The following SERGEF variants were observed in gnomAD, a reference collection of about 807,000 sequenced individuals.
The protein encoded by SERGEF is secretion regulating guanine nucleotide exchange factor.
In SERGEF, 51 loss-of-function variants were observed where a neutral mutation model predicts 50.0. The observed-to-expected ratio is 1.02, with a 90% CI of 0.81 to 1.29. The LOEUF is 1.29. Among genes scored for constraint, SERGEF ranks in the 50% most tolerant of loss-of-function variants. The pLI, the probability that SERGEF is intolerant of heterozygous loss-of-function variation, is 0.00. For missense variants in SERGEF, 521 were observed against 557.0 expected, an observed-to-expected ratio of 0.94 and a Z score of 0.65; for synonymous variants, 205 against 212.4, an observed-to-expected ratio of 0.97 and a Z score of 0.30.
chr11:17,959,310 T>G, intron 9 of SERGEF, 160 bp downstream of exon 9: 1 of 624,654 alleles, frequency 1.6e-6, no homozygotes, highest in Non-Finnish European at 2.7e-6. Context: ...GTGACTGACT[T>G]TTGACCACAT....
intron 9 of SERGEF, among the ~76,000 whole-genome samples, chr11:17,931,353 C>A (rs914273280): frequency 6.6e-6 from 1 of 152,116 alleles, no homozygotes; most frequent in Non-Finnish European, 1.5e-5. Flanking sequence ...ACATGTAATG[C>A]CACACACAGT....
rs1174880141 is a variant in SERGEF, at chr11:17,963,364, TAAA to T, written c.845-3731_845-3729del. On this transcript the variant is annotated intron_variant, in intron 8 of 10. Transcript: ENST00000265965. ...CCTAAACTTGGTTGCTTACTATTAG[TAAA>T]AAAAAAAAAAAAAAAAAAAAAAAAA... Among the ~76,000 whole-genome samples, 494 of 49,838 alleles carry T rather than the reference TAAA, an allele frequency of 9.9e-3. 5 individuals are homozygous for T. The highest frequency in any genetic ancestry group is 0.041 in the East Asian group (61 of 1,470). 32.7% of individuals were successfully genotyped at this position (49,838 alleles called of 152,430 possible). A position where few individuals can be genotyped will look rare whatever the true frequency, so the allele number is the denominator to read the frequency against.
chr11:17,895,702 A>G (rs998776685), intron 9 of SERGEF, among the ~76,000 whole-genome samples: 5 of 152,354 alleles, frequency 3.3e-5, no homozygotes, highest in South Asian at 4.1e-4. Flanking sequence ...AAAGTAATAT[A>G]CACTTATTGC....
chr11:17,859,005 A>G (rs111364820), intron 10 of SERGEF, among the ~76,000 whole-genome samples: 2 of 152,268 alleles, frequency 1.3e-5, no homozygotes, highest in African/African-American at 4.8e-5. Context: ...GCTGAACCCA[A>G]CCAGAAGCCA....
chr11:17,962,104 G>A (rs1344619137), intron 8 of SERGEF, among the ~76,000 whole-genome samples: 6 of 152,120 alleles, frequency 3.9e-5, no homozygotes, highest in Admixed American at 3.3e-4. Context: ...CAGGGCCAGT[G>A]GTATCTCCAA....
At chr11:17,949,239 C>T (rs2133962628) in intron 9 of SERGEF, among the ~76,000 whole-genome samples, 2 of 152,268 alleles carry the variant, frequency 1.3e-5, no homozygotes, top group South Asian at 4.1e-4. Context: ...AAAGAAGAGG[C>T]TGGAGCCAGA....
chr11:17,900,523 T>C (rs1316427283), intron 9 of SERGEF, among the ~76,000 whole-genome samples: 1 of 152,230 alleles, frequency 6.6e-6, no homozygotes, highest in East Asian at 1.9e-4. Flanking sequence ...ATGGCTCCAA[T>C]TGCATTTATT....
intron 8 of SERGEF, 53 bp downstream of exon 8, chr11:17,988,540 TAGAC>T: frequency 6.3e-7 from 1 of 1,575,888 alleles, no homozygotes; most frequent in Non-Finnish European, 8.7e-7. Flanking sequence ...CATGGCTGCT[TAGAC>T]AGCTGTCCCC....
chr11:17,853,025 G>A (rs1457958127), intron 10 of SERGEF, among the ~76,000 whole-genome samples: 6 of 152,242 alleles, frequency 3.9e-5, no homozygotes, highest in South Asian at 2.1e-4. Flanking sequence ...GTAGTAGCAC[G>A]GAGTCTGGAA....
intron 9 of SERGEF, among the ~76,000 whole-genome samples, chr11:17,899,705 C>A (rs986306926): frequency 3.3e-5 from 5 of 152,080 alleles, no homozygotes; most frequent in African/African-American, 1.2e-4. Flanking sequence ...GTAATCCCAG[C>A]ACTTTGGGAG....
At chr11:17,998,068 T>TA (rs1285666828) in intron 5 of SERGEF, among the ~76,000 whole-genome samples, 1 of 151,974 alleles carries the variant, frequency 6.6e-6, no homozygotes, top group Non-Finnish European at 1.5e-5. Flanking sequence ...AATAATTTTT[T>TA]AAAAAAAGAA....
At chr11:17,790,659 G>A (rs2133817040) in intron 10 of SERGEF, among the ~76,000 whole-genome samples, 1 of 152,350 alleles carries the variant, frequency 6.6e-6, no homozygotes, top group South Asian at 2.1e-4. Flanking sequence ...TGTACAGGGT[G>A]ATCCCTGGGA....
chr11:17,931,175 G>A (rs778231254), intron 9 of SERGEF, among the ~76,000 whole-genome samples: 1 of 152,060 alleles, frequency 6.6e-6, no homozygotes, highest in Non-Finnish European at 1.5e-5. Context: ...TAGAGTATTA[G>A]AAAGACTAAT....
At chr11:17,905,181 A>T (rs1459097419) in intron 9 of SERGEF, among the ~76,000 whole-genome samples, 2 of 152,242 alleles carry the variant, frequency 1.3e-5, no homozygotes, top group African/African-American at 4.8e-5. Flanking sequence ...AAAATTTATT[A>T]GGGAGATTGC....
chr11:17,945,721 C>T (rs193224333), intron 9 of SERGEF, among the ~76,000 whole-genome samples: 68 of 152,126 alleles, frequency 4.5e-4, no homozygotes, highest in Non-Finnish European at 7.4e-4. Flanking sequence ...CTAAGGCAGG[C>T]GGATTACCTG....
At chr11:17,838,135 G>A (rs1343544637) in intron 10 of SERGEF, among the ~76,000 whole-genome samples, 2 of 152,204 alleles carry the variant, frequency 1.3e-5, no homozygotes, top group Admixed American at 1.3e-4. Flanking sequence ...AAGAGTCCAG[G>A]TAAAATGTCA....
chr11:17,946,040 T>G (rs529703437), intron 9 of SERGEF, among the ~76,000 whole-genome samples: 7 of 152,206 alleles, frequency 4.6e-5, no homozygotes, highest in African/African-American at 1.7e-4. Flanking sequence ...TCCAGGTGAT[T>G]AAGAGCTCTA....
chr11:17,964,559 G>A (rs1367465734), intron 8 of SERGEF, among the ~76,000 whole-genome samples: 1 of 152,162 alleles, frequency 6.6e-6, no homozygotes, highest in Non-Finnish European at 1.5e-5. Flanking sequence ...TAGCAAAATG[G>A]AGTCAGCAAA....
intron 5 of SERGEF, chr11:17,999,487 T>G (rs907002884): frequency 9.1e-6 from 4 of 440,558 alleles, no homozygotes; most frequent in Non-Finnish European, 1.8e-5. Flanking sequence ...ATTGAGCTCT[T>G]CCTCACCTCC....
Sources: allele counts gnomAD v4.1 joint callset (sites outside exome capture counted in the v4.1 genomes callset), GRCh38; gene constraint gnomAD v4.1.1; transcripts MANE v1.5; gene names NCBI Gene and HGNC (gene_info 2026-07-23, HGNC 2026-07-21).